SYT1: variants seen among roughly 807,000 people sequenced by gnomAD.
The protein encoded by SYT1 is synaptotagmin 1.
In SYT1, 8 loss-of-function variants were observed where a neutral mutation model predicts 44.8. That is an observed-to-expected ratio of 0.18 (90% confidence interval 0.10 to 0.32). SYT1 has a LOEUF of 0.32. Among genes scored for constraint, SYT1 ranks in the 10% least tolerant of loss-of-function variants. SYT1 has a pLI of 1.00. For synonymous variants in SYT1, 154 were observed against 188.8 expected (o/e 0.82, Z 1.51); for missense variants, 286 against 509.3 (o/e 0.56, Z 4.22).
intron 3 of SYT1, among the ~76,000 whole-genome samples, chr12:79,051,318 A>T (rs556120181): frequency 1.3e-5 from 2 of 150,048 alleles, no homozygotes; most frequent in South Asian, 4.2e-4. Context: ...ATAAATAAAT[A>T]TATATATACA....
chr12:78,969,462 A>G (rs1442458364), intron 1 of SYT1, among the ~76,000 whole-genome samples: 1 of 152,210 alleles, frequency 6.6e-6, no homozygotes. Context: ...GTAAAAACAT[A>G]TCTTGGTTGG....
chr12:79,039,221 A>T (rs1056058787), intron 2 of SYT1, among the ~76,000 whole-genome samples: 41 of 152,064 alleles, frequency 2.7e-4, no homozygotes, highest in African/African-American at 9.4e-4. Context: ...AAAACTAGAT[A>T]CAAAAAAACA....
chr12:78,950,312 A>G (rs1017218012), intron 1 of SYT1, among the ~76,000 whole-genome samples: 1 of 152,102 alleles, frequency 6.6e-6, no homozygotes, highest in African/African-American at 2.4e-5. Flanking sequence ...TCAATTGAAT[A>G]ATCCTTTTTG....
At chr12:79,334,013 A>G (rs1881977268) in intron 8 of SYT1, among the ~76,000 whole-genome samples, 1 of 152,128 alleles carries the variant, frequency 6.6e-6, no homozygotes, top group African/African-American at 2.4e-5. Context: ...GATACCCAAA[A>G]TCCTACTTTA....
intron 8 of SYT1, among the ~76,000 whole-genome samples, chr12:79,314,140 G>A (rs1237309923): frequency 7.8e-6 from 1 of 128,074 alleles, no homozygotes; most frequent in Non-Finnish European, 1.5e-5. Context: ...CTGCACTCCA[G>A]CCTGGGCGAC....
chr12:78,999,604 A>T (rs1385190842), intron 2 of SYT1, among the ~76,000 whole-genome samples: 1 of 152,180 alleles, frequency 6.6e-6, no homozygotes, highest in African/African-American at 2.4e-5. Context: ...TAGCAACTGG[A>T]ATTAAAATAA....
At chr12:79,074,352 G>A (rs1348069504) in intron 3 of SYT1, among the ~76,000 whole-genome samples, 1 of 152,090 alleles carries the variant, frequency 6.6e-6, no homozygotes, top group Non-Finnish European at 1.5e-5. Flanking sequence ...AATTGTAAAT[G>A]AGAGGTTTAA....
At chr12:79,018,308 C>T (rs1248000285) in intron 2 of SYT1, among the ~76,000 whole-genome samples, 1 of 137,692 alleles carries the variant, frequency 7.3e-6, no homozygotes, top group African/African-American at 2.8e-5. Flanking sequence ...AACACATGGA[C>T]ACAGGAAGGG....
At chr12:78,927,623 C>A (rs769092384) in intron 1 of SYT1, among the ~76,000 whole-genome samples, 1 of 152,040 alleles carries the variant, frequency 6.6e-6, no homozygotes, top group Non-Finnish European at 1.5e-5. Context: ...AGGAAATTAT[C>A]CTAATGACTT....
intron 9 of SYT1, among the ~76,000 whole-genome samples, chr12:79,359,372 T>G (rs1399204173): frequency 1.3e-5 from 2 of 152,154 alleles, no homozygotes; most frequent in Non-Finnish European, 2.9e-5. Flanking sequence ...TCTGTCCCTT[T>G]CACTCTGTGT....
chr12:79,363,562 CA>C (rs201763605), intron 9 of SYT1, among the ~76,000 whole-genome samples: 2 of 140,734 alleles, frequency 1.4e-5, no homozygotes, highest in African/African-American at 5.5e-5. Context: ...CCCATCTCTA[CA>C]AAAAAAATTA....
intron 1 of SYT1, among the ~76,000 whole-genome samples, chr12:78,915,129 G>A (rs962781110): frequency 4.6e-5 from 7 of 152,140 alleles, no homozygotes; most frequent in Non-Finnish European, 7.4e-5. Flanking sequence ...GAAGATTGAA[G>A]TAGTGGCTTG....
At chr12:79,072,589 C>G (rs765312100) in intron 3 of SYT1, among the ~76,000 whole-genome samples, 113 of 152,042 alleles carry the variant, frequency 7.4e-4, no homozygotes, top group Middle Eastern at 3.4e-3. Flanking sequence ...CAATTTTTTG[C>G]TTACCATAGT....
intron 3 of SYT1, among the ~76,000 whole-genome samples, chr12:79,070,792 C>A (rs1259593887): frequency 6.6e-6 from 1 of 151,996 alleles, no homozygotes; most frequent in Non-Finnish European, 1.5e-5. Flanking sequence ...ACCTGAGTGA[C>A]AGATCATTTA....
At chr12:79,262,769 T>C (rs1258690139) in intron 4 of SYT1, among the ~76,000 whole-genome samples, 2 of 152,178 alleles carry the variant, frequency 1.3e-5, no homozygotes, top group African/African-American at 4.8e-5. Context: ...ATTTCAAAAA[T>C]TGTGCTGATC....
At chr12:78,995,116 C>A (rs900274718) in intron 2 of SYT1, among the ~76,000 whole-genome samples, 1 of 152,106 alleles carries the variant, frequency 6.6e-6, no homozygotes, top group East Asian at 1.9e-4. Flanking sequence ...AGGCCTGAAC[C>A]AAAGGCTGGG....
At chr12:79,409,847 A>G (rs760249118) in intron 9 of SYT1, among the ~76,000 whole-genome samples, 56 of 152,144 alleles carry the variant, frequency 3.7e-4, no homozygotes, top group Non-Finnish European at 5.6e-4. Context: ...AGAATCCTAC[A>G]GAGATGAAAA....
chr12:78,901,095 T>A (rs1230761208), intron 1 of SYT1, among the ~76,000 whole-genome samples: 7 of 152,132 alleles, frequency 4.6e-5, no homozygotes, highest in African/African-American at 1.7e-4. Context: ...TCTATCTGTT[T>A]GATTTTATAT....
intron 3 of SYT1, among the ~76,000 whole-genome samples, chr12:79,062,233 T>C (rs763692709): frequency 6.6e-6 from 1 of 152,190 alleles, no homozygotes; most frequent in Non-Finnish European, 1.5e-5. Flanking sequence ...TTCACAGTGC[T>C]GTCATGCTTT....
Sources: gnomAD v4.1 joint callset for allele counts (sites outside exome capture counted in the v4.1 genomes callset) on GRCh38, gnomAD v4.1.1 for gene constraint, MANE v1.5 for transcripts, NCBI Gene and HGNC (gene_info 2026-07-23, HGNC 2026-07-21) for gene names.